The following USP34 variants were observed in gnomAD, a reference collection of about 807,000 sequenced individuals.
USP34 encodes ubiquitin carboxyl-terminal hydrolase 34.
In USP34, 70 loss-of-function variants were observed where a neutral mutation model predicts 460.3. That is an observed-to-expected ratio of 0.15 (90% CI 0.13 to 0.19). The LOEUF is 0.19. USP34 is among the 10% of genes least tolerant of loss of function. USP34 has a pLI of 1.00. For synonymous variants in USP34, 1,647 were observed against 1,405.3 expected, an observed-to-expected ratio of 1.17 and a Z score of -3.85; for missense variants, 3,985 against 4,236.2, an observed-to-expected ratio of 0.94 and a Z score of 1.65.
intron 78 of USP34, 115 bp from the exon 79 acceptor site, chr2:61,189,184 C>T: frequency 8.9e-7 from 1 of 1,123,672 alleles, no homozygotes; most frequent in East Asian, 2.5e-5. Flanking sequence ...CCTAAGAATA[C>T]CCTGGTTTCT....
chr2:61,331,746 T>A (rs974921012), intron 19 of USP34, among the ~76,000 whole-genome samples: 3 of 151,944 alleles, frequency 2.0e-5, no homozygotes, highest in Non-Finnish European at 4.4e-5. Context: ...ACTGCATATA[T>A]CTTTTGTCAT....
Position 61,241,667 on chromosome 2 carries a change from A to G in USP34, c.6682-12T>C. The G allele has an allele frequency of 6.4e-7, 1 of 1,561,418 alleles. No individual in the cohort carries two copies. The highest frequency in any genetic ancestry group is 8.6e-7 in the Non-Finnish European group (1 of 1,159,992). ...TATGCACTGTGTGTCTTTAAGAGGC[A>G]AGAAAAAAATTTATTTTCATTTTGA... On this transcript the variant is annotated splice_polypyrimidine_tract_variant and intron_variant, in intron 52 of 79. Coordinates refer to ENST00000398571, the MANE Select transcript of USP34 (RefSeq NM_014709.4).
chr2:61,215,176 GAA>G (rs1687362503), intron 67 of USP34, among the ~76,000 whole-genome samples: 1 of 151,920 alleles, frequency 6.6e-6, no homozygotes, highest in African/African-American at 2.4e-5. Context: ...TTGTTATAAA[GAA>G]AGAAATAGAT....
At chr2:61,317,083 A>G (rs112347295) in intron 23 of USP34, among the ~76,000 whole-genome samples, 104 of 152,326 alleles carry the variant, frequency 6.8e-4, no homozygotes, top group African/African-American at 2.4e-3. Flanking sequence ...ATTTGGCTGT[A>G]TTATCTAGGA....
intron 41 of USP34, among the ~76,000 whole-genome samples, chr2:61,276,646 A>G (rs1288962208): frequency 6.6e-6 from 1 of 152,182 alleles, no homozygotes; most frequent in South Asian, 2.1e-4. Flanking sequence ...ACCAATTAAT[A>G]TATTTATATT....
intron 16 of USP34, among the ~76,000 whole-genome samples, chr2:61,343,321 A>C (rs1315985708): frequency 6.6e-6 from 1 of 152,112 alleles, no homozygotes; most frequent in Non-Finnish European, 1.5e-5. Flanking sequence ...TATTACTTTA[A>C]GAGTGATTTA....
chr2:61,433,853 T>C (rs1694742676), intron 1 of USP34, among the ~76,000 whole-genome samples: 1 of 152,096 alleles, frequency 6.6e-6, no homozygotes. Flanking sequence ...TGGGGGCCAG[T>C]AGCCACTGCA....
chr2:61,275,947 A>C (rs1689360281), intron 41 of USP34, among the ~76,000 whole-genome samples: 1 of 152,174 alleles, frequency 6.6e-6, no homozygotes, highest in Admixed American at 6.5e-5. Flanking sequence ...GAGAAATAAG[A>C]CTTTGGAAAA....
chr2:61,256,400 C>G lies in USP34; in HGVS notation c.6205G>C (p.Val2069Leu). ...AAAGCATACCTTTTTTCAGCTCGTA[C>G]TTTCTTCCCACAATGAGAACAAGTA... Reference protein sequence around the residue: ...MYTCSHCGKKVRAEKRACFKK... With the variant: ...MYTCSHCGKKLRAEKRACFKK... Residue 2069 changes from valine to leucine, a missense_variant, in exon 48 of 80, where the codon GTA becomes CTA. Physicochemically the swap from Val to Leu is conservative, Grantham distance 32 (BLOSUM62 1). Coordinates refer to ENST00000398571, the MANE Select transcript of USP34 (RefSeq NM_014709.4). 1 of 1,612,090 alleles carries G rather than the reference C, an allele frequency of 6.2e-7. No individual in the cohort carries two copies. The highest frequency in any genetic ancestry group is 8.5e-7 in the Non-Finnish European group (1 of 1,179,052).
At chr2:61,394,339 A>G (rs1693448648) in intron 5 of USP34, among the ~76,000 whole-genome samples, 2 of 151,986 alleles carry the variant, frequency 1.3e-5, no homozygotes. Context: ...CCAGGACAGA[A>G]TCCCAGGAAG....
intron 41 of USP34, among the ~76,000 whole-genome samples, chr2:61,267,130 G>T (rs1456931304): frequency 6.6e-6 from 1 of 152,120 alleles, no homozygotes; most frequent in Non-Finnish European, 1.5e-5. Context: ...GACAACCCTT[G>T]GTTAAGTTGC....
At chr2:61,367,150 C>T (rs567918287) in intron 10 of USP34, among the ~76,000 whole-genome samples, 5 of 152,056 alleles carry the variant, frequency 3.3e-5, no homozygotes, top group African/African-American at 4.8e-5. Context: ...CCTGAAAGGG[C>T]GAGAAGGACT....
intron 21 of USP34, among the ~76,000 whole-genome samples, 190 bp from the exon 22 acceptor site, chr2:61,319,517 T>C (rs1279972528): frequency 2.0e-5 from 3 of 148,212 alleles, no homozygotes; most frequent in African/African-American, 7.5e-5. Flanking sequence ...AAGAGTTATG[T>C]TCCTACAGCA....
chr2:61,377,941 G>C (rs1692845275), intron 8 of USP34, among the ~76,000 whole-genome samples: 1 of 152,238 alleles, frequency 6.6e-6, no homozygotes, highest in South Asian at 2.1e-4. Flanking sequence ...CACTTTGGGA[G>C]ACTGAGGCAA....
intron 10 of USP34, among the ~76,000 whole-genome samples, chr2:61,366,261 T>C (rs555887789): frequency 1.1e-4 from 16 of 152,222 alleles, no homozygotes; most frequent in Middle Eastern, 3.4e-3. Context: ...GTAAAGAAAG[T>C]TGTAGCTCAG....
chr2:61,383,248 A>G lies in USP34; in HGVS notation c.821+21T>C, dbSNP rs970480525. The G allele has an allele frequency of 3.8e-6, 6 of 1,558,684 alleles. No individual in the cohort carries two copies. The African/African-American group carries it at 6.9e-5, about 18-fold the overall frequency. On this transcript the variant is annotated intron_variant, in intron 6 of 79. Coordinates refer to ENST00000398571, the MANE Select transcript of USP34 (RefSeq NM_014709.4). ...ATATATTACACTGATAATCGGGGGT[A>G]AAGAAATTTTATAAACTTACCTAAT...
chr2:61,384,973 T>C lies in USP34; in HGVS notation c.754-1637A>G, dbSNP rs565545172. The stretch of plus-strand genomic sequence containing the variant: ...TATATAATTAGGAAACCCAAAATAA[T>C]TATCAGATAAACACTGAAACTAAAG... On this transcript the variant is annotated intron_variant, in intron 5 of 79. Coordinates refer to ENST00000398571, the MANE Select transcript of USP34 (RefSeq NM_014709.4). 2.8e-4 allele frequency among the ~76,000 whole-genome samples: 42 copies of C among 152,198 alleles called. 1 individual carries two copies. The highest frequency in any genetic ancestry group is 9.8e-4 in the Admixed American group (15 of 15,286).
rs770367495 is a variant in USP34, at chr2:61,220,441, G to A, written c.7916C>T (p.Pro2639Leu). 3 of 1,612,250 alleles carry A rather than the reference G, an allele frequency of 1.9e-6. No homozygotes were observed. The highest frequency in any genetic ancestry group is 1.7e-6 in the Non-Finnish European group (2 of 1,179,366). ...TGCCAACCAATCTAGACACTGAGAA[G>A]GATTGTATTCAATCACCTACAAATA... is the stretch of plus-strand genomic sequence containing the variant. ...QRIWEVIEYN[P>L]SQCLDWLAVQ... Residue 2639 changes from proline to leucine, a missense_variant, in exon 67 of 80, where the codon CCT (proline) becomes CTT (leucine). Physicochemically the swap from Pro to Leu is moderately conservative, Grantham distance 98. This residue lies in a region of USP34 where 604 missense variants were observed against 684.8 expected (regional missense o/e 0.88). Coordinates refer to ENST00000398571, the MANE Select transcript of USP34 (RefSeq NM_014709.4).
chr2:61,305,271 C>T (rs983430438), intron 27 of USP34, among the ~76,000 whole-genome samples: 8 of 151,340 alleles, frequency 5.3e-5, no homozygotes, highest in African/African-American at 1.5e-4. Context: ...TGCACTGAGC[C>T]GAGATTACGC....
Sources: gnomAD v4.1 joint callset for allele counts (sites outside exome capture counted in the v4.1 genomes callset) on GRCh38, gnomAD v4.1.1 for gene constraint, gnomAD v4.1.1 regional missense constraint, MANE v1.5 for transcripts, NCBI Gene and HGNC (gene_info 2026-07-23, HGNC 2026-07-21) for gene names.